Variants in TTLL5 observed in about 807,000 individuals in gnomAD.
The protein encoded by TTLL5 is tubulin polyglutamylase TTLL5.
Under a neutral mutation model 168.4 loss-of-function variants are expected in TTLL5, and 132 were observed. The observed-to-expected ratio is 0.78, with a 90% CI of 0.68 to 0.91. The LOEUF (loss-of-function observed/expected upper bound fraction) is 0.91. TTLL5 is among the 40% of genes least tolerant of loss of function. TTLL5 has a pLI of 0.00. For missense variants in TTLL5, 1,545 were observed against 1,581.5 expected, an observed-to-expected ratio of 0.98 and a Z score of 0.39; for synonymous variants, 546 against 558.6, an observed-to-expected ratio of 0.98 and a Z score of 0.32.
intron 28 of TTLL5, among the ~76,000 whole-genome samples, chr14:75,853,586 T>A (rs1896984659): frequency 6.6e-6 from 1 of 152,216 alleles, no homozygotes; most frequent in African/African-American, 2.4e-5. Flanking sequence ...ATCCCAGTAT[T>A]GCAAAGTACA....
chr14:75,751,332 G>A (rs1319162463), intron 17 of TTLL5, among the ~76,000 whole-genome samples: 5 of 152,238 alleles, frequency 3.3e-5, no homozygotes, highest in Admixed American at 6.5e-5. Context: ...AACTTTTACC[G>A]TTTCACCGAA....
intron 3 of TTLL5, 114 bp downstream of exon 3, chr14:75,669,636 C>A: frequency 2.9e-6 from 2 of 695,414 alleles, no homozygotes; most frequent in Non-Finnish European, 4.4e-6. Flanking sequence ...TGAGAAAAAT[C>A]AATTGAGTTG....
Position 75,752,860 on chromosome 14 carries a change from A to G in TTLL5, c.1488-33A>G, listed in dbSNP as rs373651167. 9 of 1,603,686 alleles carry G rather than the reference A, an allele frequency of 5.6e-6. No homozygotes were observed. The African/African-American group carries it at 9.4e-5, about 17-fold the overall frequency. ...CTACATTTTCCTCTTGAACTAGCTT[A>G]AGAAATAACCAGTTTCTTTCTTTGC... On this transcript the variant is annotated intron_variant, in intron 17 of 31. Coordinates refer to ENST00000298832, the MANE Select transcript of TTLL5 (RefSeq NM_015072.5).
chr14:75,725,179 C>T (rs961713368), intron 12 of TTLL5, among the ~76,000 whole-genome samples: 13 of 152,192 alleles, frequency 8.5e-5, no homozygotes, highest in Non-Finnish European at 1.6e-4. Flanking sequence ...CCATTCTTGA[C>T]CATTTCACAG....
intron 17 of TTLL5, among the ~76,000 whole-genome samples, chr14:75,749,569 A>G (rs1481553731): frequency 6.6e-6 from 1 of 151,962 alleles, no homozygotes; most frequent in African/African-American, 2.4e-5. Flanking sequence ...CTATAGGAGC[A>G]GTAGAGGATA....
At chr14:75,846,565 C>T (rs190690724) in intron 28 of TTLL5, among the ~76,000 whole-genome samples, 402 of 152,006 alleles carry the variant, frequency 2.6e-3, no homozygotes, top group Non-Finnish European at 4.2e-3. Context: ...CCGAGGCGGG[C>T]GGATCACCTG....
At chr14:75,728,615 A>T (rs1007076662) in intron 12 of TTLL5, among the ~76,000 whole-genome samples, 9 of 152,154 alleles carry the variant, frequency 5.9e-5, no homozygotes, top group Non-Finnish European at 1.0e-4. Flanking sequence ...TCCAAAAGGC[A>T]ATTTGAATTA....
chr14:75,874,939 T>C (rs1237314373), intron 29 of TTLL5, among the ~76,000 whole-genome samples: 1 of 134,276 alleles, frequency 7.4e-6, no homozygotes, highest in Admixed American at 7.1e-5. Context: ...GGGCCTTTTT[T>C]TTTTTTTTTT....
Position 75,727,741 on chromosome 14 carries a change from G to T in TTLL5, c.1043-4597G>T, listed in dbSNP as rs999209170. On this transcript the variant is annotated intron_variant, in intron 12 of 31. Transcript: ENST00000298832. Reference sequence around the variant, plus strand: ...ATGGATGAACCTCAGAAACATGGTAGATGAAAGAAACCAGACTCAAAAGAG... The same window carrying T: ...ATGGATGAACCTCAGAAACATGGTATATGAAAGAAACCAGACTCAAAAGAG... The T allele has an allele frequency of 1.5e-5, 6 of 404,268 alleles. No homozygotes were observed. In the Admixed American group the frequency reaches 1.6e-4, roughly 11 times the overall value. The allele number at this position is 404,268 out of a possible 1,614,324, so 25.0% of individuals were successfully genotyped here.
At chr14:75,791,105 C>CAAAAAAAAAAAAAAAAAAAAAAAAAAAA (rs372035829) in intron 26 of TTLL5, among the ~76,000 whole-genome samples, 7 of 77,272 alleles carry the variant, frequency 9.1e-5, no homozygotes, top group African/African-American at 4.6e-4. Flanking sequence ...GACTCTGTCT[C>CAAAAAAAAAAAAAAAAAAAAAAAAAAAA]AAAAAAAAAA....
intron 31 of TTLL5, among the ~76,000 whole-genome samples, chr14:75,933,356 G>A (rs551099308): frequency 1.3e-5 from 2 of 152,334 alleles, no homozygotes; most frequent in East Asian, 3.9e-4. Context: ...CCAGCTACTG[G>A]AGAGGCTGAG....
chr14:75,819,062 G>T (rs1894679022), intron 27 of TTLL5, among the ~76,000 whole-genome samples: 1 of 152,040 alleles, frequency 6.6e-6, no homozygotes, highest in Non-Finnish European at 1.5e-5. Flanking sequence ...GAGTATTATG[G>T]TACTTACCAA....
chr14:75,819,557 T>G (rs890954911), intron 27 of TTLL5, among the ~76,000 whole-genome samples: 39 of 152,254 alleles, frequency 2.6e-4, no homozygotes, highest in African/African-American at 9.4e-4. Context: ...ATTTTTCTCC[T>G]AACCGTCTTT....
chr14:75,949,252 A>G (rs937749506), intron 31 of TTLL5, among the ~76,000 whole-genome samples: 1 of 151,932 alleles, frequency 6.6e-6, no homozygotes, highest in East Asian at 1.9e-4. Context: ...GCATTAAAGC[A>G]CATGCCTAGG....
Position 75,862,732 on chromosome 14 carries a change from GGA to G in TTLL5, c.3327-933_3327-932del, listed in dbSNP as rs200820485. 9.3e-3 allele frequency among the ~76,000 whole-genome samples: 1,418 copies of G among 152,196 alleles called. 27 individuals are homozygous for G. The highest frequency in any genetic ancestry group is 0.033 in the African/African-American group (1,351 of 41,524). On this transcript the variant is annotated intron_variant, in intron 28 of 31. Coordinates refer to ENST00000298832, the MANE Select transcript of TTLL5 (RefSeq NM_015072.5). Reference sequence around the variant, plus strand: ...GAGGTGGGCAGATCGCTTGAGCCCAGGAGTTTGAGACCAGTCAGGGCAACATG... The same window carrying G: ...GAGGTGGGCAGATCGCTTGAGCCCAGGTTTGAGACCAGTCAGGGCAACATG...
chr14:75,685,250 G>A (rs535531934), intron 5 of TTLL5, among the ~76,000 whole-genome samples: 1 of 151,886 alleles, frequency 6.6e-6, no homozygotes, highest in East Asian at 1.9e-4. Context: ...GGGCATGGTG[G>A]CATGTGCCTA....
chr14:75,846,733 T>C (rs1052079498), intron 28 of TTLL5, among the ~76,000 whole-genome samples: 16 of 140,216 alleles, frequency 1.1e-4, no homozygotes, highest in African/African-American at 4.2e-4. Context: ...GAGGTTGCGG[T>C]GAGCCGAGAT....
At chr14:75,717,238 C>T (rs1887529821) in intron 9 of TTLL5, among the ~76,000 whole-genome samples, 2 of 152,106 alleles carry the variant, frequency 1.3e-5, no homozygotes, top group African/African-American at 4.8e-5. Context: ...CCTTGGCCTC[C>T]CAAGTAGCTG....
At chr14:75,724,482 A>AAACTAC (rs1888060649) in intron 12 of TTLL5, among the ~76,000 whole-genome samples, 1 of 152,178 alleles carries the variant, frequency 6.6e-6, no homozygotes, top group African/African-American at 2.4e-5. Flanking sequence ...GAACCTATAC[A>AAACTAC]AACTACCCGA....
Sources: gnomAD v4.1 joint callset for allele counts (sites outside exome capture counted in the v4.1 genomes callset) on GRCh38, gnomAD v4.1.1 for gene constraint, MANE v1.5 for transcripts, NCBI Gene and HGNC (gene_info 2026-07-23, HGNC 2026-07-21) for gene names.